The following POLDIP3 variants were observed in gnomAD, a reference collection of about 807,000 sequenced individuals.
POLDIP3 encodes the protein polymerase delta-interacting protein 3.
POLDIP3 carries 14 observed loss-of-function variants against 45.1 expected under a neutral mutation model. The ratio of observed to expected loss-of-function variants is 0.31; its 90% CI spans 0.20 to 0.49. The LOEUF is 0.49. Among genes scored for constraint, POLDIP3 ranks in the 20% least tolerant of loss-of-function variants. The probability of loss-of-function intolerance (pLI) is 0.99; values close to 1 mark genes in which losing one functional copy is unlikely to be tolerated. For synonymous variants in POLDIP3, 223 were observed against 205.2 expected (o/e 1.09, Z -0.74); for missense variants, 511 against 538.8 (o/e 0.95, Z 0.51).
At chr22:42,608,597 A>ACTC (rs891034873) in intron 1 of POLDIP3, among the ~76,000 whole-genome samples, 1 of 151,978 alleles carries the variant, frequency 6.6e-6, no homozygotes, top group African/African-American at 2.4e-5. Flanking sequence ...AAATCTTAGG[A>ACTC]CTCCGGTCAT....
chr22:42,606,732 A>C (rs1926753918), intron 1 of POLDIP3, among the ~76,000 whole-genome samples: 1 of 152,182 alleles, frequency 6.6e-6, no homozygotes, highest in Non-Finnish European at 1.5e-5. Flanking sequence ...CAGCCTTCTA[A>C]GTATGGAGCC....
At chr22:42,594,249 A>G (rs936674353) in intron 6 of POLDIP3, among the ~76,000 whole-genome samples, 13 of 152,222 alleles carry the variant, frequency 8.5e-5, no homozygotes, top group African/African-American at 3.1e-4. Context: ...GCGACAGAGC[A>G]AGACTCCATC....
intron 6 of POLDIP3, 71 bp downstream of exon 6, chr22:42,595,466 G>A: frequency 5.1e-6 from 7 of 1,369,288 alleles, no homozygotes; most frequent in Non-Finnish European, 7.3e-6. Flanking sequence ...CAAACCTGAG[G>A]GTGGGTCTTA....
intron 4 of POLDIP3, chr22:42,597,657 A>G: frequency 2.2e-6 from 1 of 458,118 alleles, no homozygotes; most frequent in Non-Finnish European, 4.5e-6. Context: ...GGTATCAAAT[A>G]GGGATAGAGA....
chr22:42,602,203 G>T (rs1243492515), intron 2 of POLDIP3, 147 bp from the exon 3 acceptor site: 3 of 1,229,060 alleles, frequency 2.4e-6, no homozygotes, highest in Admixed American at 2.5e-5. Context: ...TCCACAGTAG[G>T]AAGTAACAGA....
chr22:42,604,379 G>A (rs776630486), intron 1 of POLDIP3, among the ~76,000 whole-genome samples: 6 of 152,144 alleles, frequency 3.9e-5, no homozygotes, highest in Non-Finnish European at 7.3e-5. Context: ...AACTCCTGTG[G>A]AGCTTCTTAA....
chr22:42,614,270 A>C (rs1011348357), intron 1 of POLDIP3, among the ~76,000 whole-genome samples: 1 of 152,262 alleles, frequency 6.6e-6, no homozygotes, highest in Non-Finnish European at 1.5e-5. Context: ...TGTATATGAA[A>C]GGGCTCAGAA....
At chr22:42,591,274 T>C (rs1601885075) in intron 7 of POLDIP3, among the ~76,000 whole-genome samples, 2 of 152,116 alleles carry the variant, frequency 1.3e-5, no homozygotes, top group East Asian at 3.8e-4. Flanking sequence ...TCATTAGCCA[T>C]GGGGAAATGC....
At chr22:42,601,697 G>T (rs924809932) in intron 3 of POLDIP3, among the ~76,000 whole-genome samples, 1 of 152,210 alleles carries the variant, frequency 6.6e-6, no homozygotes, top group Non-Finnish European at 1.5e-5. Context: ...GGAGGCAGAG[G>T]TTGCAGTGAG....
In POLDIP3 at chr22:42,602,881, C is replaced by T; in HGVS notation, c.339G>A (p.Gln113=). ...QQTTVPQKPR[Q]VADAREKISL... is the part of the protein sequence containing the mutation. The stretch of plus-strand genomic sequence containing the variant: ...TGATCTTCTCCCGGGCATCAGCAAC[C>T]TGGCGGGGCTTCTGGGGCACCGTGG... Residue 113 remains glutamine (Q), a synonymous_variant, in exon 2 of 9, where the codon CAG becomes CAA. Coordinates refer to ENST00000252115, the MANE Select transcript of POLDIP3 (RefSeq NM_032311.5). The T allele has an allele frequency of 6.2e-7, 1 of 1,613,804 alleles. No homozygotes were observed. Among genetic ancestry groups the T allele is most frequent in the Non-Finnish European group, 8.5e-7 (1 of 1,179,984 alleles).
Position 42,603,141 on chromosome 22 carries a change from C to T in POLDIP3, c.79G>A (p.Val27Ile), listed in dbSNP as rs771453339. 70 of 1,613,938 alleles carry T rather than the reference C, an allele frequency of 4.3e-5. No individual in the cohort carries two copies. The highest frequency in any genetic ancestry group is 5.4e-5 in the Non-Finnish European group (64 of 1,179,976). The stretch of plus-strand genomic sequence containing the variant: ...CCAACTCGAGATCGGACACCTCCAA[C>T]TCCCGGTCTGGCATTAAGCCTGTAA... ...AKGRLNARPG[V>I]GGVRSRVGIQ... Residue 27 changes from valine (V) to isoleucine (I), a missense_variant, in exon 2 of 9, where the codon GTT becomes ATT. Physicochemically the swap from Val to Ile is conservative, Grantham distance 29. Transcript: ENST00000252115.
At chr22:42,597,103 C>T (rs1926039581) in intron 4 of POLDIP3, among the ~76,000 whole-genome samples, 1 of 152,160 alleles carries the variant, frequency 6.6e-6, no homozygotes, top group Admixed American at 6.5e-5. Flanking sequence ...CTCATCAGCT[C>T]CGACTGTCAG....
chr22:42,592,023 T>A lies in POLDIP3; in HGVS notation c.953A>T (p.Glu318Val). The A allele has an allele frequency of 6.2e-7, 1 of 1,614,130 alleles. No individual in the cohort carries two copies. The highest frequency in any genetic ancestry group is 8.5e-7 in the Non-Finnish European group (1 of 1,180,016). Residue 318 changes from glutamate to valine, a missense_variant, in exon 7 of 9, where the codon GAG (glutamate) becomes GTG (valine). Transcript: ENST00000252115. ...ATCGTCCTTTTTCACAAACACCACC[T>A]CCGCTACCCCAGGATGGACCAGTCG... ...RARLVHPGVA[E>V]VVFVKKDDAI...
intron 4 of POLDIP3, among the ~76,000 whole-genome samples, chr22:42,599,329 C>T (rs564373399): frequency 2.6e-5 from 4 of 152,368 alleles, no homozygotes; most frequent in Admixed American, 2.6e-4. Flanking sequence ...TCACGCCGGG[C>T]GCAGTGGCTT....
chr22:42,608,035 C>T (rs371338999), intron 1 of POLDIP3, among the ~76,000 whole-genome samples: 5 of 152,110 alleles, frequency 3.3e-5, no homozygotes, highest in African/African-American at 9.7e-5. Context: ...CCCCTCTGCC[C>T]GGCCGCCACC....
At chr22:42,614,755 T>G (rs774855805) in intron 1 of POLDIP3, 44 bp downstream of exon 1, 1 of 1,606,722 alleles carries the variant, frequency 6.2e-7, no homozygotes, top group Admixed American at 1.7e-5. Context: ...CGAGCTCCAC[T>G]AGGCCGAGGA....
At chr22:42,597,305 G>A (rs767396998) in intron 4 of POLDIP3, among the ~76,000 whole-genome samples, 3 of 152,222 alleles carry the variant, frequency 2.0e-5, no homozygotes, top group South Asian at 2.1e-4. Flanking sequence ...AAGGAGGAAC[G>A]CAGCGGCCAG....
chr22:42,601,638 G>A (rs1326365663), intron 3 of POLDIP3, among the ~76,000 whole-genome samples: 2 of 152,180 alleles, frequency 1.3e-5, no homozygotes, highest in Non-Finnish European at 2.9e-5. Context: ...GTACGCGCCT[G>A]TAGTCCCAGA....
chr22:42,594,216 G>A lies in POLDIP3; in HGVS notation c.891+1321C>T, dbSNP rs191824252. On this transcript the variant is annotated intron_variant, in intron 6 of 8. Transcript: ENST00000252115. The stretch of plus-strand genomic sequence containing the variant: ...GCGGAAGTTGCAGTGAGCCAAGATC[G>A]CACTACTGGCACTCCAGCCTGGGCG... Among the ~76,000 whole-genome samples the A allele has an allele frequency of 2.1e-3, 312 of 151,640 alleles. 3 individuals carry two copies. The highest frequency in any genetic ancestry group is 6.9e-3 in the Middle Eastern group (2 of 290).
Sources: gnomAD v4.1 joint callset for allele counts (sites outside exome capture counted in the v4.1 genomes callset) on GRCh38, gnomAD v4.1.1 for gene constraint, MANE v1.5 for transcripts, NCBI Gene and HGNC (gene_info 2026-07-23, HGNC 2026-07-21) for gene names.